LRIG1: variants seen among roughly 807,000 people sequenced by gnomAD.
The protein encoded by LRIG1 is leucine rich repeats and immunoglobulin like domains 1.
A neutral mutation model predicts 99.2 loss-of-function variants in LRIG1; 48 were observed. The observed-to-expected ratio is 0.48, with a 90% CI of 0.38 to 0.62. LRIG1 has a LOEUF of 0.62. LRIG1 is among the 20% of genes least tolerant of loss of function. The pLI is 0.00. For missense variants in LRIG1, 1,646 were observed against 1,434.4 expected (o/e 1.15, Z -2.38); for synonymous variants, 772 against 596.1 (o/e 1.29, Z -4.30).
At chr3:66,396,982 G>A (rs1701874799) in intron 11 of LRIG1, among the ~76,000 whole-genome samples, 3 of 152,146 alleles carry the variant, frequency 2.0e-5, no homozygotes, top group Non-Finnish European at 2.9e-5. Context: ...CGTCTCACCC[G>A]ACAGATGGAG....
At chr3:66,441,054 C>G (rs145768334) in intron 3 of LRIG1, among the ~76,000 whole-genome samples, 53 of 152,290 alleles carry the variant, frequency 3.5e-4, no homozygotes, top group African/African-American at 1.2e-3. Context: ...AAACTAACGT[C>G]ACAGCAGCTG....
intron 1 of LRIG1, among the ~76,000 whole-genome samples, chr3:66,472,223 G>T (rs546204313): frequency 5.0e-4 from 72 of 144,940 alleles, no homozygotes; most frequent in African/African-American, 1.6e-3. Context: ...AGAATGGCGA[G>T]AACCCGGGAG....
At chr3:66,380,889 G>C (rs759121508) in intron 17 of LRIG1, 28 bp from the exon 18 acceptor site, 44 of 1,607,476 alleles carry the variant, frequency 2.7e-5, no homozygotes, top group Non-Finnish European at 3.3e-5. Flanking sequence ...AGATGGGTTA[G>C]AGTCACTGCT....
In LRIG1 at chr3:66,380,333, T is replaced by C; in HGVS notation, c.3212A>G (p.Glu1071Gly). The change falls in exon 19 of 19, where the codon GAG (glutamate) becomes GGG (glycine). Residue 1071 changes from glutamate (E) to glycine (G), a missense_variant. Coordinates refer to ENST00000273261, the MANE Select transcript of LRIG1 (RefSeq NM_015541.3). ...GAGCTGTCCTGTCAGTGGCGTGGAC[T>C]CGGGACTGGCGTCACATGCTTTGGG... ...HLPKACDASP[E>G]STPLTGQLPG... 6.2e-7 allele frequency: 1 copy of C among 1,614,194 alleles called. No individual in the cohort carries two copies. Among genetic ancestry groups the C allele is most frequent in the Non-Finnish European group, 8.5e-7 (1 of 1,180,038 alleles).
intron 1 of LRIG1, among the ~76,000 whole-genome samples, chr3:66,489,523 GTA>G (rs962764457): frequency 8.0e-5 from 2 of 25,076 alleles, no homozygotes; most frequent in African/African-American, 1.3e-4. Context: ...CCCTTTGTGT[GTA>G]TGTGTGTGTG....
chr3:66,462,193 C>T (rs150132717), intron 2 of LRIG1, among the ~76,000 whole-genome samples: 40 of 152,312 alleles, frequency 2.6e-4, no homozygotes, highest in African/African-American at 8.9e-4. Context: ...CTCTGCTATA[C>T]ACCCACCATG....
At chr3:66,462,383 T>C (rs1700374747) in intron 2 of LRIG1, 55 bp downstream of exon 2, 2 of 1,356,222 alleles carry the variant, frequency 1.5e-6, no homozygotes, top group Non-Finnish European at 2.1e-6. Context: ...ACAAGAGGAT[T>C]TTCCCAAAGA....
At position 66,380,806 on chromosome 3, in the gene LRIG1, G is replaced by A. The variant is rs752712016; in HGVS notation, c.2826C>T (p.Ser942=). ...SDCNTEVDCY[S]RGQAFHPQPV... ...GCTGGGGGTGGAAGGCTTGTCCCCT[G>A]GAGTAACAGTCCACTTCGGTGTTGC... Residue 942 remains serine (S), a synonymous_variant, in exon 18 of 19, where the codon TCC becomes TCT. Transcript: ENST00000273261. 1 of 1,614,190 alleles carries A rather than the reference G, an allele frequency of 6.2e-7. No homozygotes were observed. Among genetic ancestry groups the A allele is most frequent in the Non-Finnish European group, 8.5e-7 (1 of 1,180,046 alleles).
In LRIG1 at chr3:66,407,434, G is replaced by C; in HGVS notation, c.993C>G (p.Ser331Arg). The change falls in exon 8 of 19, where the codon AGC (serine) becomes AGG (arginine). Residue 331 changes from serine (S) to arginine (R), a missense_variant. By Grantham distance (110) the Ser-to-Arg change is moderately radical (BLOSUM62 -1). Coordinates refer to ENST00000273261, the MANE Select transcript of LRIG1 (RefSeq NM_015541.3). ...GGCTGAGACGCAGGACACTCAGGCTGCTCAGCTCGGCCAGGCTCTCCTCGT... is the reference window on the plus strand; with the variant it reads ...GGCTGAGACGCAGGACACTCAGGCTCCTCAGCTCGGCCAGGCTCTCCTCGT... Reference protein sequence around the residue: ...RLDEESLAELSSLSVLRLSHN... With the variant: ...RLDEESLAELRSLSVLRLSHN... 1.9e-6 allele frequency: 3 copies of C among 1,613,998 alleles called. No individual in the cohort carries two copies. Among genetic ancestry groups the C allele is most frequent in the Non-Finnish European group, 2.5e-6 (3 of 1,180,012 alleles).
At chr3:66,389,468 GAC>G (rs1460093030) in intron 12 of LRIG1, among the ~76,000 whole-genome samples, 3 of 152,098 alleles carry the variant, frequency 2.0e-5, no homozygotes, top group Admixed American at 6.5e-5. Flanking sequence ...GCCTACAAGA[GAC>G]ACAGTGTGGA....
Position 66,501,009 on chromosome 3 carries a change from A to G in LRIG1, c.-602T>C, listed in dbSNP as rs1701348348. On this transcript the variant is annotated 5_prime_UTR_variant, in exon 1 of 19. Coordinates refer to ENST00000273261, the MANE Select transcript of LRIG1 (RefSeq NM_015541.3). The stretch of plus-strand genomic sequence containing the variant: ...GTCCCGCCGACCTCGCAGCCGAACA[A>G]TCAGCCGCTTGCTGTTCGCCTCCCC... The G allele has an allele frequency of 6.6e-6, 1 of 152,284 alleles. No individual in the cohort carries two copies. The allele number at this position is 152,284 out of a possible 1,614,324, so 9.4% of individuals were successfully genotyped here.
Position 66,383,062 on chromosome 3 carries a change from A to G in LRIG1, c.2411T>C (p.Ile804Thr). The change falls in exon 15 of 19, where the codon ATC becomes ACC. Residue 804 changes from isoleucine (I) to threonine (T), a missense_variant. Ile to Thr is a moderately conservative substitution (Grantham distance 89, BLOSUM62 -1). Coordinates refer to ENST00000273261, the MANE Select transcript of LRIG1 (RefSeq NM_015541.3). ...CACCCAGACCAGTGACGTCAGGACG[A>G]TGCTGCTCACGACAGCAATGGTGAA... ...GIFTIAVVSS[I>T]VLTSLVWVCI... 1 of 1,614,208 alleles carries G rather than the reference A, an allele frequency of 6.2e-7. No individual in the cohort carries two copies. Among genetic ancestry groups the G allele is most frequent in the African/African-American group, 1.3e-5 (1 of 75,060 alleles).
chr3:66,382,901 G>C, intron 15 of LRIG1, 81 bp downstream of exon 15: 2 of 1,327,544 alleles, frequency 1.5e-6, no homozygotes, highest in Non-Finnish European at 1.0e-6. Context: ...TCTTTCAAAA[G>C]CCACTGGAAC....
chr3:66,489,270 C>A (rs535556076), intron 1 of LRIG1, among the ~76,000 whole-genome samples: 1 of 152,132 alleles, frequency 6.6e-6, no homozygotes, highest in South Asian at 2.1e-4. Flanking sequence ...ACATCTGTAA[C>A]CCCAGCACTT....
intron 1 of LRIG1, among the ~76,000 whole-genome samples, chr3:66,466,419 G>A (rs1469851398): frequency 6.6e-6 from 1 of 152,186 alleles, no homozygotes. Context: ...ATTCATCACA[G>A]ATGACATTTG....
intron 3 of LRIG1, among the ~76,000 whole-genome samples, chr3:66,429,838 C>T (rs1354381253): frequency 7.1e-6 from 1 of 141,526 alleles, no homozygotes; most frequent in Admixed American, 7.3e-5. Context: ...ATGGCGGGGG[C>T]ATATGGGAAC....
chr3:66,438,212 T>TG (rs1703424653), intron 3 of LRIG1, among the ~76,000 whole-genome samples: 1 of 152,062 alleles, frequency 6.6e-6, no homozygotes. Flanking sequence ...TGCTACCCCC[T>TG]GTCCCACTCC....
At chr3:66,450,765 G>T (rs1703879404) in intron 3 of LRIG1, among the ~76,000 whole-genome samples, 1 of 152,222 alleles carries the variant, frequency 6.6e-6, no homozygotes, top group Non-Finnish European at 1.5e-5. Context: ...AGCCTGGAGT[G>T]GAAACAGGAA....
chr3:66,440,025 A>C (rs1052867650), intron 3 of LRIG1, among the ~76,000 whole-genome samples: 2 of 148,932 alleles, frequency 1.3e-5, no homozygotes, highest in African/African-American at 5.2e-5. Flanking sequence ...AAAGAGGGGG[A>C]AAAAAAGGAG....
Sources: allele counts gnomAD v4.1 joint callset (sites outside exome capture counted in the v4.1 genomes callset), GRCh38; gene constraint gnomAD v4.1.1; transcripts MANE v1.5; gene names NCBI Gene and HGNC (gene_info 2026-07-23, HGNC 2026-07-21).